Variants in GRB14 observed in about 807,000 individuals in gnomAD.
GRB14 encodes growth factor receptor bound protein 14.
In GRB14, 38 loss-of-function variants were observed where a neutral mutation model predicts 69.1. The ratio of observed to expected loss-of-function variants is 0.55; its 90% confidence interval spans 0.42 to 0.72. The LOEUF (loss-of-function observed/expected upper bound fraction) is 0.72, where lower values mean the gene tolerates loss of function less well. Ranked by LOEUF, GRB14 falls within the 30% of genes least tolerant of loss-of-function variation. GRB14 has a pLI of 0.00. For missense variants in GRB14, 666 were observed against 666.1 expected (o/e 1.00, Z 0.00); for synonymous variants, 247 against 241.3 (o/e 1.02, Z -0.22).
intron 2 of GRB14, among the ~76,000 whole-genome samples, chr2:164,606,321 A>G (rs1690040281): frequency 6.6e-6 from 1 of 152,180 alleles, no homozygotes; most frequent in Non-Finnish European, 1.5e-5. Context: ...ATAAGCCCCT[A>G]CATGATGTGT....
chr2:164,505,707 A>G (rs1687171645), intron 8 of GRB14, among the ~76,000 whole-genome samples: 1 of 152,230 alleles, frequency 6.6e-6, no homozygotes, highest in African/African-American at 2.4e-5. Flanking sequence ...GTCCATATGT[A>G]TATACATCTG....
chr2:164,564,061 C>T (rs1325629826), intron 2 of GRB14, among the ~76,000 whole-genome samples: 1 of 152,146 alleles, frequency 6.6e-6, no homozygotes, highest in Non-Finnish European at 1.5e-5. Flanking sequence ...TAAATCAAGG[C>T]ACCTTGAAGA....
At chr2:164,505,289 T>C (rs1033158401) in intron 8 of GRB14, among the ~76,000 whole-genome samples, 9 of 152,152 alleles carry the variant, frequency 5.9e-5, no homozygotes, top group African/African-American at 1.2e-4. Flanking sequence ...ATAAGCCTCA[T>C]TGAAATGGAA....
intron 9 of GRB14, among the ~76,000 whole-genome samples, chr2:164,499,402 C>T (rs556004872): frequency 1.3e-5 from 2 of 152,122 alleles, no homozygotes; most frequent in African/African-American, 4.8e-5. Flanking sequence ...TACTGAATGG[C>T]AGGTGGTAGA....
At chr2:164,537,343 A>G (rs1256363448) in intron 3 of GRB14, among the ~76,000 whole-genome samples, 1 of 152,218 alleles carries the variant, frequency 6.6e-6, no homozygotes, top group African/African-American at 2.4e-5. Flanking sequence ...CAGTTAGCCA[A>G]GTAAAGATGG....
intron 2 of GRB14, among the ~76,000 whole-genome samples, chr2:164,565,779 A>AT (rs1688955798): frequency 6.6e-6 from 1 of 152,116 alleles, no homozygotes; most frequent in African/African-American, 2.4e-5. Flanking sequence ...GGAAGTGAAC[A>AT]TTTTCTTTCC....
At chr2:164,536,934 T>C (rs761163788) in intron 3 of GRB14, among the ~76,000 whole-genome samples, 2 of 152,174 alleles carry the variant, frequency 1.3e-5, no homozygotes, top group Non-Finnish European at 2.9e-5. Flanking sequence ...TCTTAGTGCC[T>C]CCTGCAGCTC....
chr2:164,564,128 G>A (rs527755809), intron 2 of GRB14, among the ~76,000 whole-genome samples: 2 of 152,260 alleles, frequency 1.3e-5, no homozygotes, highest in African/African-American at 2.4e-5. Flanking sequence ...AGCCTGAGCC[G>A]ACACTTAGGC....
intron 8 of GRB14, 51 bp downstream of exon 8, chr2:164,508,404 T>G: frequency 7.0e-7 from 1 of 1,422,924 alleles, no homozygotes; most frequent in Non-Finnish European, 9.9e-7. Flanking sequence ...TTTTCTAACT[T>G]TTATGGTACT....
intron 2 of GRB14, among the ~76,000 whole-genome samples, chr2:164,562,235 C>T (rs1375868698): frequency 2.0e-5 from 3 of 152,128 alleles, no homozygotes; most frequent in African/African-American, 7.2e-5. Flanking sequence ...ACTTTTATCC[C>T]TTTCAAATAT....
intron 2 of GRB14, among the ~76,000 whole-genome samples, chr2:164,601,095 CA>C (rs1689903674): frequency 6.6e-6 from 1 of 152,170 alleles, no homozygotes; most frequent in Non-Finnish European, 1.5e-5. Flanking sequence ...AAATCCCAGA[CA>C]AGGATCTGTC....
chr2:164,607,198 T>C (rs2105356738), intron 2 of GRB14, among the ~76,000 whole-genome samples: 1 of 152,340 alleles, frequency 6.6e-6, no homozygotes, highest in South Asian at 2.1e-4. Flanking sequence ...TTTGATATCA[T>C]TTATATTAAA....
At chr2:164,591,801 T>C (rs950498485) in intron 2 of GRB14, among the ~76,000 whole-genome samples, 1 of 152,310 alleles carries the variant, frequency 6.6e-6, no homozygotes, top group East Asian at 1.9e-4. Flanking sequence ...ATCCCAGTGA[T>C]ATGGTTTTGC....
chr2:164,511,410 G>A (rs1687335058), intron 6 of GRB14, among the ~76,000 whole-genome samples: 1 of 152,154 alleles, frequency 6.6e-6, no homozygotes, highest in Non-Finnish European at 1.5e-5. Context: ...CTTACATCTT[G>A]GATACCAGCT....
intron 2 of GRB14, among the ~76,000 whole-genome samples, chr2:164,600,212 A>T (rs1689880877): frequency 6.6e-6 from 1 of 152,204 alleles, no homozygotes; most frequent in Non-Finnish European, 1.5e-5. Flanking sequence ...CAACCACTTT[A>T]GGAGTCATAG....
At chr2:164,554,746 C>A (rs749652156) in intron 2 of GRB14, among the ~76,000 whole-genome samples, 2 of 152,026 alleles carry the variant, frequency 1.3e-5, no homozygotes, top group Non-Finnish European at 2.9e-5. Flanking sequence ...TGAAGCAAAT[C>A]TCTGTTTTGG....
At chr2:164,582,853 G>A (rs1689449393) in intron 2 of GRB14, among the ~76,000 whole-genome samples, 1 of 152,210 alleles carries the variant, frequency 6.6e-6, no homozygotes, top group Non-Finnish European at 1.5e-5. Flanking sequence ...TATGGTGGTA[G>A]AAACAGTTTC....
intron 2 of GRB14, among the ~76,000 whole-genome samples, chr2:164,609,307 T>G (rs1431428316): frequency 6.6e-6 from 1 of 152,198 alleles, no homozygotes; most frequent in Non-Finnish European, 1.5e-5. Context: ...GCCCTAATTC[T>G]GAACAATTCT....
chr2:164,492,450 T>A lies in GRB14; in HGVS notation c.*586A>T, dbSNP rs1476516627. Among the ~76,000 whole-genome samples the A allele has an allele frequency of 2.6e-5, 4 of 151,984 alleles. No individual in the cohort carries two copies. The highest frequency in any genetic ancestry group is 4.1e-4 in the South Asian group (2 of 4,832). ...ATAATTAACTATTTAATAATATTTTTAAATTACCTGGAAAAAATCAACATA... is the reference window on the plus strand; with the variant it reads ...ATAATTAACTATTTAATAATATTTTAAAATTACCTGGAAAAAATCAACATA... On this transcript the variant is annotated 3_prime_UTR_variant, in exon 14 of 14. Transcript: ENST00000263915.
Sources: gnomAD v4.1 joint callset for allele counts (sites outside exome capture counted in the v4.1 genomes callset) on GRCh38, gnomAD v4.1.1 for gene constraint, MANE v1.5 for transcripts, NCBI Gene and HGNC (gene_info 2026-07-23, HGNC 2026-07-21) for gene names.